The following PRELID2 variants were observed in gnomAD, a reference collection of about 807,000 sequenced individuals.
PRELID2 encodes PRELI domain-containing protein 2.
A neutral mutation model predicts 28.4 loss-of-function variants in PRELID2; 25 were observed. The observed-to-expected ratio is 0.88, with a 90% confidence interval of 0.64 to 1.23. The LOEUF (loss-of-function observed/expected upper bound fraction) is 1.23. PRELID2 is among the 50% of genes most tolerant of loss of function. The pLI, the probability that PRELID2 is intolerant of heterozygous loss-of-function variation, is 0.00. For synonymous variants in PRELID2, 76 were observed against 71.6 expected, an observed-to-expected ratio of 1.06 and a Z score of -0.31; for missense variants, 201 against 214.4, an observed-to-expected ratio of 0.94 and a Z score of 0.39.
chr5:145,315,907 C>G, the PRELID2 span, among the ~76,000 whole-genome samples: 1 of 152,086 alleles, frequency 6.6e-6, no homozygotes, highest in African/African-American at 2.4e-5. Context: ...TATTGTCATA[C>G]TTCAATTAAG....
chr5:145,467,008 G>A (rs1484431618), downstream of PRELID2, among the ~76,000 whole-genome samples: 2 of 152,104 alleles, frequency 1.3e-5, no homozygotes, highest in Non-Finnish European at 2.9e-5. Context: ...AGGGTCACTA[G>A]TAAATTTGAA....
Position 145,801,452 on chromosome 5 carries a change from C to G in PRELID2, c.369-4905G>C, listed in dbSNP as rs142521367. On this transcript the variant is annotated intron_variant, in intron 4 of 6. Transcript: ENST00000683046. ...ATGACTCAAGTTTTCCTTCACCTGT[C>G]TTTCATCTCTGAGAAGCCTACAGAG... Among the ~76,000 whole-genome samples, 380 of 152,298 alleles carry G rather than the reference C, an allele frequency of 2.5e-3. 2 individuals carry two copies. Among genetic ancestry groups the G allele is most frequent in the Non-Finnish European group, 4.4e-3 (296 of 68,036 alleles).
At chr5:145,614,888 G>A (rs1169177100) in intron 1 of PRELID2, among the ~76,000 whole-genome samples, 2 of 152,106 alleles carry the variant, frequency 1.3e-5, no homozygotes, top group African/African-American at 4.8e-5. Flanking sequence ...GGTGAGAATG[G>A]GCAGCCTTGT....
intron 1 of PRELID2, among the ~76,000 whole-genome samples, chr5:145,555,230 CT>C (rs1037051024): frequency 4.6e-4 from 70 of 152,218 alleles, no homozygotes; most frequent in African/African-American, 1.6e-3. Context: ...GGTTAGGTCC[CT>C]TTTTTTAGAA....
intron 2 of PRELID2, among the ~76,000 whole-genome samples, chr5:145,821,153 GT>G (rs1353343211): frequency 0.013 from 998 of 75,590 alleles, 27 homozygotes; most frequent in African/African-American, 0.044. Context: ...ACTCTCCTGG[GT>G]GTGTGTGTGT....
In PRELID2 at chr5:145,704,853, G is replaced by A. The variant is rs1755501940; in HGVS notation, n.70+60078C>T. Among the ~76,000 whole-genome samples, 3 of 152,304 alleles carry A rather than the reference G, an allele frequency of 2.0e-5. 1 individual carries two copies. The South Asian group carries it at 6.2e-4, about 32-fold the overall frequency. On this transcript the variant is annotated intron_variant and non_coding_transcript_variant, in intron 1 of 2. Coordinates refer to the PRELID2 transcript ENST00000510259. ...GGGCTGTTAGCAGCCAGATGCACTTGTACTGACAGGGAGAGGCAGATGAGC... is the reference window on the plus strand; with the variant it reads ...GGGCTGTTAGCAGCCAGATGCACTTATACTGACAGGGAGAGGCAGATGAGC...
intron 1 of PRELID2, among the ~76,000 whole-genome samples, chr5:145,511,888 G>A (rs1181053884): frequency 3.9e-5 from 6 of 152,164 alleles, no homozygotes; most frequent in Admixed American, 3.9e-4. Context: ...GCTGACGAGA[G>A]AGAGATTATG....
At chr5:145,672,150 T>G (rs1252698410) in intron 1 of PRELID2, among the ~76,000 whole-genome samples, 1 of 152,154 alleles carries the variant, frequency 6.6e-6, no homozygotes, top group African/African-American at 2.4e-5. Flanking sequence ...ACATCCCCTC[T>G]TGCCCTTGTT....
intron 1 of PRELID2, among the ~76,000 whole-genome samples, chr5:145,630,970 C>T (rs1053932390): frequency 6.6e-6 from 1 of 152,140 alleles, no homozygotes; most frequent in African/African-American, 2.4e-5. Flanking sequence ...TGGGCCAAAT[C>T]AATTAATTTC....
intron 1 of PRELID2, among the ~76,000 whole-genome samples, chr5:145,649,326 T>C (rs1016655504): frequency 6.6e-6 from 1 of 152,172 alleles, no homozygotes; most frequent in Non-Finnish European, 1.5e-5. Flanking sequence ...CCTACAGATA[T>C]ACAGAGATGA....
chr5:145,755,624 T>C (rs1293742771), downstream of PRELID2, among the ~76,000 whole-genome samples: 1 of 152,228 alleles, frequency 6.6e-6, no homozygotes, highest in East Asian at 1.9e-4. Context: ...AAAAAGTCTC[T>C]TGAATTTGAT....
chr5:145,725,399 A>T (rs76810328), intron 1 of PRELID2, among the ~76,000 whole-genome samples: 3,613 of 152,284 alleles, frequency 0.024, 136 homozygotes, highest in African/African-American at 0.082. Flanking sequence ...GTATACATGG[A>T]ATAGAAACCA....
chr5:145,766,097 A>G (rs1757732962), intron 5 of PRELID2, among the ~76,000 whole-genome samples: 1 of 152,186 alleles, frequency 6.6e-6, no homozygotes, highest in Non-Finnish European at 1.5e-5. Flanking sequence ...GACAAGTTTT[A>G]CAGACCAGAG....
the PRELID2 span, among the ~76,000 whole-genome samples, chr5:145,457,572 G>GT: frequency 6.6e-6 from 1 of 152,158 alleles, no homozygotes; most frequent in African/African-American, 2.4e-5. Context: ...GCTTGGTATT[G>GT]TTTTTATCTT....
intron 1 of PRELID2, among the ~76,000 whole-genome samples, chr5:145,613,320 G>T (rs1438720969): frequency 6.6e-6 from 1 of 151,260 alleles, no homozygotes; most frequent in Non-Finnish European, 1.5e-5. Context: ...TATACTTTAA[G>T]TTCTAGGGTA....
At chr5:145,685,127 C>T (rs1447192429) in intron 1 of PRELID2, among the ~76,000 whole-genome samples, 1 of 152,192 alleles carries the variant, frequency 6.6e-6, no homozygotes, top group African/African-American at 2.4e-5. Context: ...ATCAGTTAGT[C>T]TCTCTGTTTT....
intron 1 of PRELID2, among the ~76,000 whole-genome samples, chr5:145,734,426 G>T (rs1368202812): frequency 3.9e-5 from 6 of 152,180 alleles, no homozygotes; most frequent in African/African-American, 1.4e-4. Flanking sequence ...TACATAATAG[G>T]TGATTAAATC....
chr5:145,259,147 T>C, the PRELID2 span, among the ~76,000 whole-genome samples: 3 of 152,190 alleles, frequency 2.0e-5, no homozygotes, highest in Admixed American at 2.0e-4. Flanking sequence ...TTTTAGAGGA[T>C]GTATGAAAAA....
the PRELID2 span, among the ~76,000 whole-genome samples, chr5:145,341,444 G>A: frequency 6.2e-4 from 95 of 152,138 alleles, no homozygotes; most frequent in Non-Finnish European, 1.1e-3. Context: ...GGAGGCTGAG[G>A]GATGAGAATC....
Sources: allele counts gnomAD v4.1 joint callset (sites outside exome capture counted in the v4.1 genomes callset), GRCh38; gene constraint gnomAD v4.1.1; transcripts MANE v1.5; gene names NCBI Gene and HGNC (gene_info 2026-07-23, HGNC 2026-07-21).